The following SYNJ2 variants were observed in gnomAD, a reference collection of about 807,000 sequenced individuals.
SYNJ2 encodes polyphosphatidylinositol phosphatase SYNJ2.
SYNJ2 carries 116 observed loss-of-function variants against 141.3 expected under a neutral mutation model. The ratio of observed to expected loss-of-function variants is 0.82; its 90% CI spans 0.71 to 0.96. The LOEUF is 0.96. Ranked by LOEUF, SYNJ2 falls within the 40% of genes least tolerant of loss-of-function variation. The probability of loss-of-function intolerance (pLI) is 0.00; values close to 1 mark genes in which losing one functional copy is unlikely to be tolerated. For synonymous variants in SYNJ2, 745 were observed against 777.7 expected, an observed-to-expected ratio of 0.96 and a Z score of 0.70; for missense variants, 1,873 against 1,934.8, an observed-to-expected ratio of 0.97 and a Z score of 0.60.
intron 20 of SYNJ2, 96 bp from the exon 21 acceptor site, chr6:158,083,333 G>T (rs1744175): frequency 1.4e-6 from 2 of 1,437,324 alleles, no homozygotes; most frequent in African/African-American, 2.8e-5. Context: ...GATTGGCCTC[G>T]TTGAGGGTGT....
At chr6:158,044,098 G>A (rs762775779) in intron 5 of SYNJ2, among the ~76,000 whole-genome samples, 47 of 152,180 alleles carry the variant, frequency 3.1e-4, no homozygotes, top group East Asian at 9.6e-4. Flanking sequence ...TCCCTGTCCC[G>A]AGGGGACGTG....
intron 1 of SYNJ2, among the ~76,000 whole-genome samples, chr6:158,000,876 C>T (rs921053064): frequency 1.3e-5 from 2 of 152,084 alleles, no homozygotes; most frequent in African/African-American, 4.8e-5. Flanking sequence ...CTCCTTTGGG[C>T]CACAGCTCCT....
At chr6:158,089,665 TGGAAAGAGAGTGCTCCA>T (rs532296429) in intron 24 of SYNJ2, among the ~76,000 whole-genome samples, 157 bp from the exon 25 acceptor site, 77 of 152,048 alleles carry the variant, frequency 5.1e-4, no homozygotes, top group Non-Finnish European at 1.0e-3. Context: ...ATGGCACTCT[TGGAAAGAGAGTGCTCCA>T]GGAAAGAGAG....
rs558086212 is a variant in SYNJ2, at chr6:157,994,508, C to T, written c.127+12420C>T. Among the ~76,000 whole-genome samples, 3 of 152,312 alleles carry T rather than the reference C, an allele frequency of 2.0e-5. No homozygotes were observed. In the South Asian group the frequency reaches 6.2e-4, roughly 32 times the overall value. On this transcript the variant is annotated intron_variant, in intron 1 of 26. Transcript: ENST00000355585. ...CTGAGCCAGGCCCTTGTAACAAGGC[C>T]CTTCTGGGTGGGGGATCTACCTCTC...
chr6:158,064,085 C>T (rs1781402665), intron 9 of SYNJ2, among the ~76,000 whole-genome samples: 1 of 152,254 alleles, frequency 6.6e-6, no homozygotes, highest in African/African-American at 2.4e-5. Flanking sequence ...CTTTCTCACA[C>T]CCTCTTGTGA....
chr6:158,081,573 T>C, intron 20 of SYNJ2, 63 bp downstream of exon 20: 1 of 1,183,542 alleles, frequency 8.4e-7, no homozygotes, highest in Non-Finnish European at 1.2e-6. Context: ...TATGTGGGCA[T>C]GTCTTCTTCC....
intron 24 of SYNJ2, among the ~76,000 whole-genome samples, chr6:158,089,247 G>A (rs1264372053): frequency 6.6e-6 from 1 of 152,176 alleles, no homozygotes; most frequent in Non-Finnish European, 1.5e-5. Flanking sequence ...TGGTTCCAGA[G>A]GGTACCATGA....
At chr6:158,054,931 A>G in intron 5 of SYNJ2, 36 bp from the exon 6 acceptor site, 1 of 1,610,730 alleles carries the variant, frequency 6.2e-7, no homozygotes, top group Admixed American at 1.7e-5. Context: ...TTTGCAGAGA[A>G]GGAAGAATCA....
At chr6:158,094,943 T>C (rs2128403439) in intron 26 of SYNJ2, among the ~76,000 whole-genome samples, 1 of 151,748 alleles carries the variant, frequency 6.6e-6, no homozygotes, top group South Asian at 2.1e-4. Context: ...AGGTCAGGAG[T>C]TCAAGACCAG....
intron 11 of SYNJ2, 147 bp from the exon 12 acceptor site, chr6:158,066,297 T>G: frequency 1.1e-6 from 1 of 879,598 alleles, no homozygotes; most frequent in Non-Finnish European, 1.7e-6. Context: ...TTTTAAGCCT[T>G]TTGTCGTCTT....
At chr6:157,989,914 G>GGC (rs199799149) in intron 1 of SYNJ2, among the ~76,000 whole-genome samples, 44 of 152,128 alleles carry the variant, frequency 2.9e-4, no homozygotes, top group African/African-American at 9.9e-4. Context: ...TTTCTGGGGG[G>GGC]GGCTAGGAGG....
intron 6 of SYNJ2, among the ~76,000 whole-genome samples, chr6:158,055,411 A>G (rs1780807817): frequency 6.6e-6 from 1 of 152,180 alleles, no homozygotes. Context: ...AAAGTGAAAA[A>G]TAAAAGTACC....
At chr6:158,059,834 C>T (rs1293213219) in intron 7 of SYNJ2, among the ~76,000 whole-genome samples, 1 of 152,172 alleles carries the variant, frequency 6.6e-6, no homozygotes, top group Non-Finnish European at 1.5e-5. Context: ...GGATTGCAGG[C>T]GTGAGCCACC....
intron 1 of SYNJ2, among the ~76,000 whole-genome samples, chr6:157,995,102 G>A (rs1777590828): frequency 6.6e-6 from 1 of 152,226 alleles, no homozygotes; most frequent in African/African-American, 2.4e-5. Context: ...AGTGGTATTT[G>A]GAGCTCACCC....
Position 158,043,491 on chromosome 6 carries a change from C to A in SYNJ2, c.795+92C>A. Reference sequence around the variant, plus strand: ...TGGGGAAGATTTCTTTTAACACGTTCGTTTCATGGCATAGTTTCCAGTCTT... The same window carrying A: ...TGGGGAAGATTTCTTTTAACACGTTAGTTTCATGGCATAGTTTCCAGTCTT... On this transcript the variant is annotated intron_variant, in intron 5 of 26. Coordinates refer to ENST00000355585, the MANE Select transcript of SYNJ2 (RefSeq NM_003898.4). The surrounding 1 kb of genome is among the most constrained non-coding windows in gnomAD (Gnocchi z 4.0). 1.1e-6 allele frequency: 1 copy of A among 883,708 alleles called. No individual in the cohort carries two copies. The highest frequency in any genetic ancestry group is 1.8e-6 in the Non-Finnish European group (1 of 554,570). The allele number at this position is 883,708 out of a possible 1,614,324, so 54.7% of individuals were successfully genotyped here.
In SYNJ2 at chr6:158,096,438, GACATCT is replaced by G; in HGVS notation, c.*76_*81del. On this transcript the variant is annotated 3_prime_UTR_variant, in exon 27 of 27. Coordinates refer to ENST00000355585, the MANE Select transcript of SYNJ2 (RefSeq NM_003898.4). Reference sequence around the variant, plus strand: ...CTCTAGACATCCCTCCACCAGAAGAGACATCTATTTAAAGGCACACTGGCCAAAACG... The same window carrying G: ...CTCTAGACATCCCTCCACCAGAAGAGATTTAAAGGCACACTGGCCAAAACG... 6.7e-7 allele frequency: 1 copy of G among 1,490,522 alleles called. No homozygotes were observed. The highest frequency in any genetic ancestry group is 1.4e-5 in the African/African-American group (1 of 71,470). The allele number at this position is 1,490,522 out of a possible 1,614,324, so 92.3% of individuals were successfully genotyped here. A position where few individuals can be genotyped will look rare whatever the true frequency, so the allele number is the denominator to read the frequency against.
At chr6:158,067,177 C>A (rs997583414) in intron 12 of SYNJ2, among the ~76,000 whole-genome samples, 2 of 152,206 alleles carry the variant, frequency 1.3e-5, no homozygotes, top group African/African-American at 4.8e-5. Context: ...CACCACCACG[C>A]CCAGCTAATT....
chr6:158,076,591 T>G lies in SYNJ2; in HGVS notation c.2293-35T>G, dbSNP rs1035146145. The G allele has an allele frequency of 9.4e-6, 15 of 1,592,060 alleles. No homozygotes were observed. The East Asian group carries it at 3.1e-4, about 33-fold the overall frequency. On this transcript the variant is annotated intron_variant, in intron 16 of 26. Transcript: ENST00000355585. ...GTATATAACATTCAGGATCGAAAAC[T>G]ACGGTGGCCTGATGACTTCTTTTTC...
intron 1 of SYNJ2, among the ~76,000 whole-genome samples, chr6:157,997,829 T>C (rs1387672061): frequency 6.6e-6 from 1 of 152,144 alleles, no homozygotes; most frequent in Non-Finnish European, 1.5e-5. Context: ...TAGCACAACA[T>C]ATTATAAAGC....
Sources: gnomAD v4.1 joint callset for allele counts (sites outside exome capture counted in the v4.1 genomes callset) on GRCh38, gnomAD v4.1.1 for gene constraint, Gnocchi (gnomAD v3.1) non-coding constraint, MANE v1.5 for transcripts, NCBI Gene and HGNC (gene_info 2026-07-23, HGNC 2026-07-21) for gene names.